Variants in MTHFD1L observed in about 807,000 individuals in gnomAD.
The protein encoded by MTHFD1L is monofunctional C1-tetrahydrofolate synthase, mitochondrial.
In MTHFD1L, 81 loss-of-function variants were observed where a neutral mutation model predicts 119.5. That is an observed-to-expected ratio of 0.68 (90% CI 0.57 to 0.82). MTHFD1L has a LOEUF of 0.82. Ranked by LOEUF, MTHFD1L falls within the 40% of genes least tolerant of loss-of-function variation. The pLI is 0.00. For synonymous variants in MTHFD1L, 430 were observed against 475.2 expected, an observed-to-expected ratio of 0.90 and a Z score of 1.24; for missense variants, 1,125 against 1,253.4, an observed-to-expected ratio of 0.90 and a Z score of 1.55.
At chr6:151,061,330 G>A (rs547971454) in intron 26 of MTHFD1L, among the ~76,000 whole-genome samples, 42 of 152,212 alleles carry the variant, frequency 2.8e-4, no homozygotes, top group Admixed American at 1.4e-3. Flanking sequence ...GAACTATGAC[G>A]ACACCTGAAA....
At chr6:150,950,922 G>C (rs1034971841) in intron 16 of MTHFD1L, among the ~76,000 whole-genome samples, 5 of 151,980 alleles carry the variant, frequency 3.3e-5, no homozygotes, top group African/African-American at 1.2e-4. Flanking sequence ...GCCCACCTCA[G>C]CCTCCCAAAG....
chr6:151,008,923 C>G (rs868153124), intron 20 of MTHFD1L, among the ~76,000 whole-genome samples: 1 of 151,018 alleles, frequency 6.6e-6, no homozygotes, highest in African/African-American at 2.4e-5. Context: ...TTGAGACCAG[C>G]CTGGCCAACA....
chr6:150,883,292 A>C (rs532609710), intron 5 of MTHFD1L, among the ~76,000 whole-genome samples: 1 of 152,110 alleles, frequency 6.6e-6, no homozygotes, highest in Non-Finnish European at 1.5e-5. Flanking sequence ...CAGCCTCCCA[A>C]AATGTTGGGA....
chr6:150,945,510 A>C lies in MTHFD1L; in HGVS notation c.1592A>C (p.Glu531Ala), dbSNP rs748281067. Residue 531 changes from glutamate (E) to alanine (A), a missense_variant, in exon 15 of 28, where the codon GAA becomes GCA. Transcript: ENST00000367321. ...RLVPLVNGVREFSEIQLARLK... is the reference protein window; with the variant it reads ...RLVPLVNGVRAFSEIQLARLK... The stretch of plus-strand genomic sequence containing the variant: ...GTTCCTTTAGTGAATGGTGTCAGAG[A>C]ATTTTCAGAAATTCAGCTTGCTCGG... 3.0e-5 allele frequency: 48 copies of C among 1,613,938 alleles called. No homozygotes were observed. The highest frequency in any genetic ancestry group is 4.0e-5 in the Non-Finnish European group (47 of 1,180,020).
intron 1 of MTHFD1L, among the ~76,000 whole-genome samples, chr6:150,874,102 G>C (rs537718089): frequency 1.3e-4 from 20 of 152,298 alleles, no homozygotes; most frequent in African/African-American, 4.3e-4. Flanking sequence ...GTCACGACAG[G>C]CTGGAAAGAG....
intron 20 of MTHFD1L, among the ~76,000 whole-genome samples, chr6:150,973,062 G>A (rs1776006310): frequency 6.6e-6 from 1 of 152,208 alleles, no homozygotes; most frequent in Admixed American, 6.5e-5. Context: ...TGACATATGA[G>A]GGACTGCATT....
intron 24 of MTHFD1L, among the ~76,000 whole-genome samples, chr6:151,020,531 G>T (rs1783806004): frequency 6.6e-6 from 1 of 152,170 alleles, no homozygotes; most frequent in Non-Finnish European, 1.5e-5. Flanking sequence ...CTCAAGAGTA[G>T]GCAACTTTTA....
Position 151,039,952 on chromosome 6 carries a change from A to ACATG in MTHFD1L, c.2847+2839_2847+2842dup, listed in dbSNP as rs1562580159. Among the ~76,000 whole-genome samples, 1 of 148,490 alleles carries ACATG rather than the reference A, an allele frequency of 6.7e-6. No homozygotes were observed. Among genetic ancestry groups the ACATG allele is most frequent in the Non-Finnish European group, 1.5e-5 (1 of 67,024 alleles). On this transcript the variant is annotated intron_variant, in intron 26 of 27. Coordinates refer to ENST00000367321, the MANE Select transcript of MTHFD1L (RefSeq NM_015440.5). This position sits in a 1 kb window ranked among gnomAD's most constrained non-coding sequence, Gnocchi z 4.4. ...TACATACATACATACATACATGCAT[A>ACATG]CATGCATACATGCATACATAGAATG...
intron 24 of MTHFD1L, among the ~76,000 whole-genome samples, chr6:151,029,192 A>T (rs1260255398): frequency 6.6e-6 from 1 of 151,958 alleles, no homozygotes; most frequent in African/African-American, 2.4e-5. Context: ...AGGCCGAGGC[A>T]GGCAGATCAC....
intron 26 of MTHFD1L, among the ~76,000 whole-genome samples, chr6:151,056,482 C>T (rs1562607669): frequency 6.6e-6 from 1 of 152,230 alleles, no homozygotes; most frequent in Non-Finnish European, 1.5e-5. Flanking sequence ...GGAGAATTAT[C>T]TGAAGAATGC....
intron 26 of MTHFD1L, among the ~76,000 whole-genome samples, chr6:151,075,992 T>C (rs1365097470): frequency 6.6e-6 from 1 of 152,096 alleles, no homozygotes; most frequent in Non-Finnish European, 1.5e-5. Context: ...TACATGAAAA[T>C]ATGCTTACCA....
Position 151,096,559 on chromosome 6 carries a change from C to T in MTHFD1L, c.*31+3972C>T, listed in dbSNP as rs114780012. Among the ~76,000 whole-genome samples the T allele has an allele frequency of 9.4e-3, 1,430 of 152,260 alleles. 32 individuals are homozygous for T. The highest frequency in any genetic ancestry group is 0.032 in the African/African-American group (1,345 of 41,564). On this transcript the variant is annotated intron_variant, in intron 27 of 27. Transcript: ENST00000367321. ...ACTTCTACTAATAATCAGAGGTCTG[C>T]GGCTATTCAAAATGCATAAAATAAA...
intron 5 of MTHFD1L, among the ~76,000 whole-genome samples, chr6:150,884,430 G>A (rs867864595): frequency 1.2e-4 from 18 of 151,922 alleles, no homozygotes; most frequent in East Asian, 1.2e-3. Context: ...GTGAGCCACC[G>A]CGCCTGGCCC....
chr6:150,987,803 G>A (rs1307317390), intron 20 of MTHFD1L, among the ~76,000 whole-genome samples: 1 of 152,170 alleles, frequency 6.6e-6, no homozygotes, highest in Non-Finnish European at 1.5e-5. Context: ...CTTAACTACT[G>A]GTAAACCTGT....
In MTHFD1L at chr6:151,077,361, G is replaced by T. The variant is rs143190747; in HGVS notation, c.2848-15106G>T. 6.9e-3 allele frequency among the ~76,000 whole-genome samples: 1,058 copies of T among 152,282 alleles called. 16 individuals are homozygous for T. Among genetic ancestry groups the T allele is most frequent in the African/African-American group, 0.024 (988 of 41,542 alleles). On this transcript the variant is annotated intron_variant, in intron 26 of 27. Transcript: ENST00000367321. The stretch of plus-strand genomic sequence containing the variant: ...ATCAGACTTTTCAACGGTAATACTG[G>T]GCTGGGTGCAGTGGCTCACGCCTGT...
chr6:150,942,429 G>A (rs972804496), intron 13 of MTHFD1L, among the ~76,000 whole-genome samples: 1 of 152,180 alleles, frequency 6.6e-6, no homozygotes, highest in African/African-American at 2.4e-5. Context: ...ACTTCAGGAA[G>A]AAGAGTAGAA....
chr6:151,022,177 T>A, intron 24 of MTHFD1L: 1 of 383,230 alleles, frequency 2.6e-6, no homozygotes, highest in Non-Finnish European at 5.4e-6. Flanking sequence ...CTGCTGGTCT[T>A]TTTTAAGGCA....
intron 24 of MTHFD1L, among the ~76,000 whole-genome samples, chr6:151,019,275 G>A (rs1342084747): frequency 8.5e-6 from 1 of 117,854 alleles, no homozygotes; most frequent in Non-Finnish European, 2.0e-5. Context: ...ACCCCACTCT[G>A]CATAGCAAAG....
chr6:150,893,581 C>T (rs1194151331), intron 7 of MTHFD1L, among the ~76,000 whole-genome samples: 1 of 152,178 alleles, frequency 6.6e-6, no homozygotes, highest in Non-Finnish European at 1.5e-5. Context: ...ACCCCCCCAT[C>T]CCCTCAACAC....
Sources: allele counts gnomAD v4.1 joint callset (sites outside exome capture counted in the v4.1 genomes callset), GRCh38; gene constraint gnomAD v4.1.1; non-coding constraint Gnocchi (gnomAD v3.1); transcripts MANE v1.5; gene names NCBI Gene and HGNC (gene_info 2026-07-23, HGNC 2026-07-21).